The following SLC38A12 variants were observed in gnomAD, a reference collection of about 807,000 sequenced individuals.
The protein encoded by SLC38A12 is solute carrier family 38 member 12, also known as putative sodium-coupled neutral amino acid transporter 12.
At chr17:74,827,860 G>A in the SLC38A12 span, among the ~76,000 whole-genome samples, 1 of 152,164 alleles carries the variant, frequency 6.6e-6, no homozygotes, top group Non-Finnish European at 1.5e-5. The surrounding 1 kb of genome is among the most constrained non-coding windows in gnomAD (Gnocchi z 4.7). Context: ...CCAAGAGGCT[G>A]GTCTCCAGTG....
At chr17:74,838,790 G>A in the SLC38A12 span, 1 of 1,491,800 alleles carries the variant, frequency 6.7e-7, no homozygotes, top group Non-Finnish European at 8.9e-7. Flanking sequence ...AGAGCCCCAG[G>A]TGATGCTGGC....
the SLC38A12 span, among the ~76,000 whole-genome samples, chr17:74,794,327 G>A: frequency 1.5e-3 from 225 of 152,286 alleles, no homozygotes; most frequent in African/African-American, 5.0e-3. Flanking sequence ...GGGGACAAAC[G>A]TCACCTCTGC....
At chr17:74,797,349 G>A in the SLC38A12 span, among the ~76,000 whole-genome samples, 1 of 152,128 alleles carries the variant, frequency 6.6e-6, no homozygotes, top group African/African-American at 2.4e-5. Context: ...CCCAGATACT[G>A]CATTTATAAC....
the SLC38A12 span, among the ~76,000 whole-genome samples, chr17:74,808,995 G>A: frequency 1.3e-5 from 2 of 152,192 alleles, no homozygotes; most frequent in African/African-American, 4.8e-5. Context: ...CCTATGAGCC[G>A]CACTCTGCCT....
At chr17:74,836,192 C>T in the SLC38A12 span, 10 of 1,612,496 alleles carry the variant, frequency 6.2e-6, no homozygotes, top group African/African-American at 1.2e-4. The surrounding 1 kb of genome is among the most constrained non-coding windows in gnomAD (Gnocchi z 4.2). Flanking sequence ...TCCGCGGCGA[C>T]AGCCTCATGG....
At chr17:74,778,101 G>A in the SLC38A12 span, among the ~76,000 whole-genome samples, 138 of 152,292 alleles carry the variant, frequency 9.1e-4, no homozygotes, top group African/African-American at 3.1e-3. Flanking sequence ...AAGAAGCAGC[G>A]AAAGCATACA....
the SLC38A12 span, chr17:74,819,904 T>A: frequency 6.8e-7 from 1 of 1,480,574 alleles, no homozygotes; most frequent in East Asian, 2.3e-5. Context: ...CCCTCTCCTT[T>A]CATGAGAGGC....
At chr17:74,798,374 G>A in the SLC38A12 span, among the ~76,000 whole-genome samples, 5 of 152,220 alleles carry the variant, frequency 3.3e-5, no homozygotes, top group Non-Finnish European at 5.9e-5. Context: ...CCTGTGTGTA[G>A]CATCATGATT....
At chr17:74,782,938 C>T in the SLC38A12 span, among the ~76,000 whole-genome samples, 1 of 152,146 alleles carries the variant, frequency 6.6e-6, no homozygotes, top group Non-Finnish European at 1.5e-5. Flanking sequence ...GAGACCCAGC[C>T]TGACCAACAT....
At chr17:74,792,078 G>A in the SLC38A12 span, among the ~76,000 whole-genome samples, 2 of 152,148 alleles carry the variant, frequency 1.3e-5, no homozygotes, top group East Asian at 1.9e-4. Flanking sequence ...TCCTGGAGGC[G>A]GAGCTTGCAG....
the SLC38A12 span, among the ~76,000 whole-genome samples, chr17:74,821,171 A>G: frequency 6.6e-6 from 1 of 152,236 alleles, no homozygotes; most frequent in Admixed American, 6.5e-5. Context: ...CATGCTCACC[A>G]GCCTGTAACT....
chr17:74,823,102 G>A, the SLC38A12 span, among the ~76,000 whole-genome samples: 3 of 152,168 alleles, frequency 2.0e-5, no homozygotes, highest in East Asian at 1.9e-4. Context: ...CTGTGTGACC[G>A]AGTCCCACAC....
the SLC38A12 span, among the ~76,000 whole-genome samples, chr17:74,781,380 G>A: frequency 6.6e-6 from 1 of 152,050 alleles, no homozygotes; most frequent in Admixed American, 6.5e-5. Flanking sequence ...GACTTCCTGG[G>A]CTCAGGCGAT....
chr17:74,816,873 G>A, the SLC38A12 span, among the ~76,000 whole-genome samples: 1 of 152,148 alleles, frequency 6.6e-6, no homozygotes. Context: ...ACCCAAGAGA[G>A]TAGGCTGTCT....
At chr17:74,815,074 CAG>C in the SLC38A12 span, among the ~76,000 whole-genome samples, 1 of 152,098 alleles carries the variant, frequency 6.6e-6, no homozygotes, top group East Asian at 1.9e-4. Context: ...GACGGGGTGT[CAG>C]AGAGGGGGAC....
At chr17:74,826,687 C>A in the SLC38A12 span, among the ~76,000 whole-genome samples, 2 of 152,214 alleles carry the variant, frequency 1.3e-5, no homozygotes, top group Non-Finnish European at 2.9e-5. Flanking sequence ...CCAGGCAGAG[C>A]CCTCACCCAC....
At chr17:74,813,004 G>A in the SLC38A12 span, among the ~76,000 whole-genome samples, 1 of 152,152 alleles carries the variant, frequency 6.6e-6, no homozygotes, top group Non-Finnish European at 1.5e-5. Context: ...TATTTTTAGA[G>A]GGAAAGAAAT....
chr17:74,813,601 A>G, the SLC38A12 span, among the ~76,000 whole-genome samples: 2 of 152,148 alleles, frequency 1.3e-5, no homozygotes, highest in Non-Finnish European at 2.9e-5. Context: ...CCCGGGTTCA[A>G]GCCGTTCTCC....
At chr17:74,790,405 C>T in the SLC38A12 span, 11 of 991,810 alleles carry the variant, frequency 1.1e-5, no homozygotes, top group Non-Finnish European at 1.7e-5. Flanking sequence ...GCATTTCCTG[C>T]CCCTGGGTTC....
Sources: allele counts gnomAD v4.1 joint callset (sites outside exome capture counted in the v4.1 genomes callset), GRCh38; gene constraint gnomAD v4.1.1; non-coding constraint Gnocchi (gnomAD v3.1); transcripts MANE v1.5; gene names NCBI Gene and HGNC (gene_info 2026-07-23, HGNC 2026-07-21).